Variants in SYBU observed in about 807,000 individuals in gnomAD.
SYBU encodes the protein GOLSYN A protein.
A neutral mutation model predicts 35.9 loss-of-function variants in SYBU; 21 were observed. The observed-to-expected ratio is 0.58, with a 90% confidence interval of 0.41 to 0.84. The LOEUF (loss-of-function observed/expected upper bound fraction) is 0.84. Ranked by LOEUF, SYBU falls within the 40% of genes least tolerant of loss-of-function variation. SYBU has a pLI of 0.00. For missense variants in SYBU, 768 were observed against 848.2 expected (o/e 0.91, Z 1.17); for synonymous variants, 319 against 324.3 (o/e 0.98, Z 0.18).
At chr8:109,688,297 T>C (rs1587005937) in intron 1 of SYBU, among the ~76,000 whole-genome samples, 1 of 152,156 alleles carries the variant, frequency 6.6e-6, no homozygotes, top group Non-Finnish European at 1.5e-5. Context: ...TGATAAAAAT[T>C]GTGAAGTATA....
intron 3 of SYBU, chr8:109,586,529 C>T (rs1040842888): frequency 1.6e-5 from 3 of 188,102 alleles, no homozygotes; most frequent in African/African-American, 7.0e-5. Flanking sequence ...AAATAAAATA[C>T]TTATCAGTCC....
At chr8:109,597,640 G>A (rs1209904783) in intron 3 of SYBU, among the ~76,000 whole-genome samples, 1 of 152,086 alleles carries the variant, frequency 6.6e-6, no homozygotes, top group Non-Finnish European at 1.5e-5. Context: ...ATTGAGCCCC[G>A]GAGGTTGAGG....
chr8:109,654,430 T>C (rs1816275695), intron 1 of SYBU, among the ~76,000 whole-genome samples: 1 of 152,206 alleles, frequency 6.6e-6, no homozygotes, highest in African/African-American at 2.4e-5. Context: ...TTTCATTTTT[T>C]CTGGAACATT....
At chr8:109,587,422 T>C (rs574715636) in intron 3 of SYBU, among the ~76,000 whole-genome samples, 2 of 152,352 alleles carry the variant, frequency 1.3e-5, no homozygotes, top group African/African-American at 2.4e-5. Context: ...AGCTTATAGG[T>C]GATAAATCCT....
chr8:109,663,258 C>CATATAGATAGAT (rs1282405275), intron 1 of SYBU, among the ~76,000 whole-genome samples: 46 of 149,026 alleles, frequency 3.1e-4, no homozygotes, highest in African/African-American at 1.1e-3. Flanking sequence ...AAAATACATA[C>CATATAGATAGAT]AGATAGATAG....
intron 3 of SYBU, among the ~76,000 whole-genome samples, chr8:109,604,839 C>A (rs762760720): frequency 1.6e-4 from 25 of 152,188 alleles, no homozygotes; most frequent in Admixed American, 1.6e-3. Context: ...CGGATACAGG[C>A]ATAGCCTTCA....
At chr8:109,593,607 G>A (rs1229415879) in intron 3 of SYBU, among the ~76,000 whole-genome samples, 1 of 152,202 alleles carries the variant, frequency 6.6e-6, no homozygotes, top group Admixed American at 6.5e-5. Context: ...AAAGAGAAGG[G>A]TCCAACCAGT....
chr8:109,649,797 A>G (rs1816043589), upstream of SYBU, among the ~76,000 whole-genome samples: 1 of 152,214 alleles, frequency 6.6e-6, no homozygotes, highest in African/African-American at 2.4e-5. Flanking sequence ...GTGTACACTT[A>G]TTAGGAAAAT....
upstream of SYBU, chr8:109,645,167 C>T (rs1408223971): frequency 2.2e-6 from 1 of 457,480 alleles, no homozygotes; most frequent in African/African-American, 2.0e-5. Context: ...GCTGCGACAT[C>T]ACAGAGAGAC....
At chr8:109,595,007 T>C (rs1415502833) in intron 3 of SYBU, among the ~76,000 whole-genome samples, 9 of 152,230 alleles carry the variant, frequency 5.9e-5, no homozygotes, top group Non-Finnish European at 1.2e-4. Flanking sequence ...TTCATAGAGT[T>C]GTTGTAAGGA....
At chr8:109,623,558 A>T (rs1271678799) in intron 2 of SYBU, among the ~76,000 whole-genome samples, 1 of 152,220 alleles carries the variant, frequency 6.6e-6, no homozygotes, top group Non-Finnish European at 1.5e-5. Flanking sequence ...GACAGATGCG[A>T]AAAACCAGCA....
chr8:109,599,473 C>A (rs1825261564), intron 3 of SYBU, among the ~76,000 whole-genome samples: 1 of 152,176 alleles, frequency 6.6e-6, no homozygotes, highest in East Asian at 1.9e-4. Context: ...TTTAAGTCAG[C>A]CTCATAATCC....
upstream of SYBU, chr8:109,645,752 G>A (rs1000615521): frequency 1.1e-5 from 2 of 184,962 alleles, no homozygotes; most frequent in Non-Finnish European, 2.3e-5. Context: ...GGATCATCCC[G>A]TCCAGGCCTC....
intron 2 of SYBU, among the ~76,000 whole-genome samples, chr8:109,629,594 G>A (rs767454395): frequency 6.6e-6 from 1 of 152,066 alleles, no homozygotes; most frequent in Non-Finnish European, 1.5e-5. Flanking sequence ...GAATAATGCC[G>A]CAATAAACAT....
chr8:109,608,463 AT>A, intron 3 of SYBU, among the ~76,000 whole-genome samples: 1 of 152,284 alleles, frequency 6.6e-6, no homozygotes, highest in South Asian at 2.1e-4. Flanking sequence ...AATTCCAGCT[AT>A]TTAAATATGC....
At chr8:109,610,994 A>T (rs1462565239) in intron 3 of SYBU, among the ~76,000 whole-genome samples, 1 of 152,192 alleles carries the variant, frequency 6.6e-6, no homozygotes, top group Non-Finnish European at 1.5e-5. Flanking sequence ...ATGCTCCTCA[A>T]TTAGGGAGGT....
At chr8:109,658,363 T>G (rs183420995) in intron 1 of SYBU, among the ~76,000 whole-genome samples, 43 of 152,330 alleles carry the variant, frequency 2.8e-4, no homozygotes, top group African/African-American at 9.9e-4. Flanking sequence ...TTCTTTGGTG[T>G]TGTTAAAGTT....
upstream of SYBU, among the ~76,000 whole-genome samples, chr8:109,648,246 A>AATAT (rs531623978): frequency 2.7e-5 from 4 of 145,988 alleles, no homozygotes; most frequent in African/African-American, 1.0e-4. Context: ...AATATATAAT[A>AATAT]ATATATATAT....
intron 3 of SYBU, among the ~76,000 whole-genome samples, chr8:109,602,766 TA>T (rs1563709533): frequency 6.6e-6 from 1 of 152,140 alleles, no homozygotes; most frequent in Non-Finnish European, 1.5e-5. Context: ...GTCAATACAA[TA>T]AAACAAATAA....
Sources: allele counts gnomAD v4.1 joint callset (sites outside exome capture counted in the v4.1 genomes callset), GRCh38; gene constraint gnomAD v4.1.1; transcripts MANE v1.5; gene names NCBI Gene and HGNC (gene_info 2026-07-23, HGNC 2026-07-21).